DACH1: variants seen among roughly 807,000 people sequenced by gnomAD.
DACH1 encodes the protein dachshund homolog 1.
In DACH1, 12 loss-of-function variants were observed where a neutral mutation model predicts 54.2. The ratio of observed to expected loss-of-function variants is 0.22; its 90% confidence interval spans 0.14 to 0.36. DACH1 has a LOEUF of 0.36. DACH1 is among the 10% of genes least tolerant of loss of function. The pLI is 1.00. For synonymous variants in DACH1, 386 were observed against 366.2 expected, an observed-to-expected ratio of 1.05 and a Z score of -0.62; for missense variants, 805 against 929.8, an observed-to-expected ratio of 0.87 and a Z score of 1.75.
chr13:71,613,829 G>C (rs529171117), intron 3 of DACH1, among the ~76,000 whole-genome samples: 2 of 151,880 alleles, frequency 1.3e-5, no homozygotes, highest in Non-Finnish European at 2.9e-5. Flanking sequence ...ATTCTATCTC[G>C]ACCTCCCGAG....
In DACH1 at chr13:71,833,356, G is replaced by A. The variant is rs376650456; in HGVS notation, c.848+32566C>T. On this transcript the variant is annotated intron_variant, in intron 1 of 10. Transcript: ENST00000613252. Reference sequence around the variant, plus strand: ...TATTTTGTTTATCTTTGTTTATAAAGAGAATAAACAAATTTAAACTAAATT... The same window carrying A: ...TATTTTGTTTATCTTTGTTTATAAAAAGAATAAACAAATTTAAACTAAATT... Among the ~76,000 whole-genome samples, 37 of 152,018 alleles carry A rather than the reference G, an allele frequency of 2.4e-4. 1 individual carries two copies. In the South Asian group the frequency reaches 7.0e-3, roughly 29 times the overall value.
At chr13:71,492,350 C>A (rs1879051382) in intron 6 of DACH1, among the ~76,000 whole-genome samples, 1 of 152,048 alleles carries the variant, frequency 6.6e-6, no homozygotes, top group Non-Finnish European at 1.5e-5. Context: ...AATCCAATGG[C>A]AAGTGTCTTT....
At chr13:71,620,150 T>C (rs1876114628) in intron 3 of DACH1, among the ~76,000 whole-genome samples, 1 of 151,954 alleles carries the variant, frequency 6.6e-6, no homozygotes, top group South Asian at 2.1e-4. Context: ...CCCATTGTTT[T>C]AATAAGGCCA....
intron 6 of DACH1, among the ~76,000 whole-genome samples, chr13:71,550,349 G>A (rs1387245852): frequency 1.3e-5 from 2 of 152,094 alleles, no homozygotes; most frequent in African/African-American, 4.8e-5. Flanking sequence ...CAAAGAAGGT[G>A]AGAAGACATA....
At chr13:71,697,441 T>G (rs1881889277) in intron 1 of DACH1, among the ~76,000 whole-genome samples, 1 of 152,206 alleles carries the variant, frequency 6.6e-6, no homozygotes, top group African/African-American at 2.4e-5. Flanking sequence ...CTTCTTTGCA[T>G]TACCCTGTCT....
At chr13:71,855,612 G>A (rs543891160) in intron 1 of DACH1, among the ~76,000 whole-genome samples, 10 of 152,090 alleles carry the variant, frequency 6.6e-5, no homozygotes, top group Admixed American at 3.3e-4. Context: ...TTTCATGTAA[G>A]TAAAGTGAAT....
intron 2 of DACH1, among the ~76,000 whole-genome samples, chr13:71,678,216 A>C (rs551719587): frequency 1.6e-4 from 24 of 152,232 alleles, no homozygotes; most frequent in Non-Finnish European, 3.4e-4. Context: ...CAAATACACT[A>C]AAGCATTCGG....
chr13:71,848,709 T>TG (rs1200131794), intron 1 of DACH1, among the ~76,000 whole-genome samples: 1 of 151,918 alleles, frequency 6.6e-6, no homozygotes, highest in East Asian at 1.9e-4. Flanking sequence ...TTTGTACAGA[T>TG]GGGGGGGTTC....
At chr13:71,859,654 G>C (rs890893363) in intron 1 of DACH1, among the ~76,000 whole-genome samples, 4 of 151,660 alleles carry the variant, frequency 2.6e-5, no homozygotes, top group Non-Finnish European at 5.9e-5. Flanking sequence ...AAAATAAATA[G>C]GTGTAACAAA....
chr13:71,858,734 T>C (rs781667088), intron 1 of DACH1, among the ~76,000 whole-genome samples: 3 of 151,766 alleles, frequency 2.0e-5, no homozygotes, highest in Non-Finnish European at 3.0e-5. Context: ...ATTCCACATG[T>C]AAGTGATATC....
chr13:71,822,769 C>T (rs2138186602), intron 1 of DACH1, among the ~76,000 whole-genome samples: 1 of 152,104 alleles, frequency 6.6e-6, no homozygotes, highest in East Asian at 1.9e-4. Flanking sequence ...TAATAGTTCA[C>T]TAGGACCTTA....
chr13:71,592,494 C>CA (rs575364116), intron 3 of DACH1, among the ~76,000 whole-genome samples: 1,658 of 32,378 alleles, frequency 0.051, 66 homozygotes, highest in East Asian at 0.075. Context: ...GACTCTATCT[C>CA]AAAAAAAAAA....
intron 6 of DACH1, among the ~76,000 whole-genome samples, chr13:71,511,923 G>T (rs1175906612): frequency 6.6e-6 from 1 of 151,826 alleles, no homozygotes; most frequent in Admixed American, 6.6e-5. Flanking sequence ...ATCTACTCTG[G>T]CCTTGGGTCC....
intron 1 of DACH1, among the ~76,000 whole-genome samples, chr13:71,779,772 C>G (rs1886289760): frequency 6.6e-6 from 1 of 152,082 alleles, no homozygotes; most frequent in South Asian, 2.1e-4. Context: ...GTTTCCCTGT[C>G]TTTTTCCTTC....
At position 71,532,716 on chromosome 13, in the gene DACH1, C is replaced by G. The variant is rs565509860; in HGVS notation, c.1570+24308G>C. 9.3e-4 allele frequency among the ~76,000 whole-genome samples: 141 copies of G among 152,034 alleles called. 1 individual carries two copies. Among genetic ancestry groups the G allele is most frequent in the African/African-American group, 3.3e-3 (137 of 41,548 alleles). On this transcript the variant is annotated intron_variant, in intron 6 of 10. Coordinates refer to ENST00000613252, the MANE Select transcript of DACH1 (RefSeq NM_080759.6). The stretch of plus-strand genomic sequence containing the variant: ...AAATAGATTTAGGAAAAAAATGCTT[C>G]TATCTAAATAATCTATGACTACAGC...
In DACH1 at chr13:71,656,302, C is replaced by A. The variant is rs567810076; in HGVS notation, c.964+25493G>T. ...AAATTATACTTCTATTCAGTCCAAA[C>A]TGTCAGTATCAGATCAAGTAACTCT... On this transcript the variant is annotated intron_variant, in intron 2 of 10. Transcript: ENST00000613252. Among the ~76,000 whole-genome samples the A allele has an allele frequency of 1.6e-4, 25 of 152,302 alleles. No homozygotes were observed. In the South Asian group the frequency reaches 4.6e-3, roughly 28 times the overall value.
intron 3 of DACH1, among the ~76,000 whole-genome samples, chr13:71,590,833 T>C (rs957813141): frequency 4.0e-5 from 6 of 151,644 alleles, no homozygotes; most frequent in Non-Finnish European, 1.5e-5. Flanking sequence ...AATTTCCCAG[T>C]TTTTCTTTTC....
intron 1 of DACH1, among the ~76,000 whole-genome samples, chr13:71,787,566 G>T (rs1417314728): frequency 6.6e-6 from 1 of 152,108 alleles, no homozygotes; most frequent in Non-Finnish European, 1.5e-5. Context: ...TTGGAGAGAT[G>T]TAGCCTCGCT....
chr13:71,845,514 A>G (rs1873179577), intron 1 of DACH1, among the ~76,000 whole-genome samples: 1 of 152,220 alleles, frequency 6.6e-6, no homozygotes, highest in Non-Finnish European at 1.5e-5. Context: ...CTGATTCTAG[A>G]TTACAGCATG....
Sources: gnomAD v4.1 joint callset for allele counts (sites outside exome capture counted in the v4.1 genomes callset) on GRCh38, gnomAD v4.1.1 for gene constraint, MANE v1.5 for transcripts, NCBI Gene and HGNC (gene_info 2026-07-23, HGNC 2026-07-21) for gene names.